Variants in CFAP61 observed in about 807,000 individuals in gnomAD.
CFAP61 encodes cilia and flagella associated protein 61.
A neutral mutation model predicts 135.6 loss-of-function variants in CFAP61; 107 were observed. The observed-to-expected ratio is 0.79, with a 90% CI of 0.67 to 0.93. CFAP61 has a LOEUF of 0.93. CFAP61 is among the 40% of genes least tolerant of loss of function. CFAP61 has a pLI of 0.00. For missense variants in CFAP61, 1,507 were observed against 1,556.2 expected, an observed-to-expected ratio of 0.97 and a Z score of 0.53; for synonymous variants, 575 against 578.5, an observed-to-expected ratio of 0.99 and a Z score of 0.09.
At position 20,185,559 on chromosome 20, in the gene CFAP61, G is replaced by A. The variant is rs149822028; in HGVS notation, c.1386-2371G>A. Reference sequence around the variant, plus strand: ...GAAGGATGGAGTTGCCATTACCTAAGACAGGAAAGACAGCTGGGTGGAGGG... The same window carrying A: ...GAAGGATGGAGTTGCCATTACCTAAAACAGGAAAGACAGCTGGGTGGAGGG... On this transcript the variant is annotated intron_variant, in intron 13 of 26. Transcript: ENST00000245957. Among the ~76,000 whole-genome samples the A allele has an allele frequency of 1.9e-3, 285 of 152,354 alleles. 2 individuals are homozygous for A. The highest frequency in any genetic ancestry group is 0.01 in the Middle Eastern group (3 of 294).
At chr20:20,228,937 G>A (rs2048932938) in intron 18 of CFAP61, among the ~76,000 whole-genome samples, 1 of 152,232 alleles carries the variant, frequency 6.6e-6, no homozygotes, top group Non-Finnish European at 1.5e-5. Flanking sequence ...AATCAGGCAG[G>A]TTTGGCAATG....
intron 21 of CFAP61, 88 bp from the exon 22 acceptor site, chr20:20,277,078 A>G: frequency 9.6e-7 from 1 of 1,045,916 alleles, no homozygotes; most frequent in Non-Finnish European, 1.4e-6. Context: ...TGAGAGGGTT[A>G]TACGGAGCAA....
intron 8 of CFAP61, among the ~76,000 whole-genome samples, chr20:20,136,253 T>C (rs1221257503): frequency 1.3e-5 from 2 of 152,190 alleles, no homozygotes; most frequent in African/African-American, 4.8e-5. Flanking sequence ...TTATACTTCT[T>C]AGACTTGAAT....
chr20:20,086,259 G>A (rs2146603830), intron 6 of CFAP61, among the ~76,000 whole-genome samples: 1 of 150,118 alleles, frequency 6.7e-6, no homozygotes, highest in South Asian at 2.1e-4. Flanking sequence ...CTGGTGTGCT[G>A]CACCCATTAA....
chr20:20,344,463 G>A (rs1225558771), intron 26 of CFAP61, among the ~76,000 whole-genome samples: 2 of 152,154 alleles, frequency 1.3e-5, no homozygotes, highest in Admixed American at 6.5e-5. Flanking sequence ...CTCAAATATT[G>A]AAATGAGGTA....
At chr20:20,118,330 C>T (rs1464084105) in intron 8 of CFAP61, among the ~76,000 whole-genome samples, 1 of 139,354 alleles carries the variant, frequency 7.2e-6, no homozygotes. Flanking sequence ...GTCTCTCTCT[C>T]TGTCTTTCTT....
At chr20:20,228,994 G>A (rs2048937112) in intron 18 of CFAP61, among the ~76,000 whole-genome samples, 1 of 152,208 alleles carries the variant, frequency 6.6e-6, no homozygotes, top group African/African-American at 2.4e-5. Flanking sequence ...AATGGCATGT[G>A]GGCCAGGACC....
rs763852526 is a variant in CFAP61 at position 20,277,380 on chromosome 20, G to C, written c.2718G>C (p.Trp906Cys). 1 of 1,614,162 alleles carries C rather than the reference G, an allele frequency of 6.2e-7. No individual in the cohort carries two copies. Among genetic ancestry groups the C allele is most frequent in the East Asian group, 2.2e-5 (1 of 44,878 alleles). ...ACCGGGATGCGATCCTGGCCCAGTG[G>C]AATGACGGCCTGCACCCAGACCCCA... is the stretch of plus-strand genomic sequence containing the variant. ...TMYRDAILAQWNDGLHPDPIY... is the reference protein window; with the variant it reads ...TMYRDAILAQCNDGLHPDPIY... Residue 906 changes from tryptophan (W) to cysteine (C), a missense_variant, in exon 22 of 27, where the codon TGG becomes TGC. Coordinates refer to ENST00000245957, the MANE Select transcript of CFAP61 (RefSeq NM_015585.4).
At chr20:20,309,129 A>T (rs1430381885) in intron 25 of CFAP61, among the ~76,000 whole-genome samples, 2 of 152,228 alleles carry the variant, frequency 1.3e-5, no homozygotes, top group Non-Finnish European at 2.9e-5. Context: ...CCTGGGCAGT[A>T]GGGATTCACA....
At chr20:20,293,330 A>G (rs1393600828) in intron 24 of CFAP61, among the ~76,000 whole-genome samples, 1 of 152,232 alleles carries the variant, frequency 6.6e-6, no homozygotes, top group Non-Finnish European at 1.5e-5. Flanking sequence ...GTGCTATGAC[A>G]GTATGTGAAC....
chr20:20,179,545 T>C (rs1313059319), intron 13 of CFAP61, among the ~76,000 whole-genome samples: 3 of 152,198 alleles, frequency 2.0e-5, no homozygotes, highest in African/African-American at 4.8e-5. Context: ...GATATTCATA[T>C]GGACCCGAGA....
At chr20:20,094,027 G>T (rs1461264986) in intron 7 of CFAP61, among the ~76,000 whole-genome samples, 1 of 152,108 alleles carries the variant, frequency 6.6e-6, no homozygotes, top group Non-Finnish European at 1.5e-5. Flanking sequence ...GTGCAGTCCA[G>T]GTGGTGAAAC....
Position 20,341,868 on chromosome 20 carries a change from G to T in CFAP61, c.3460G>T (p.Asp1154Tyr). ...GCCGTGGTGCCTGGCCCTGTTCCAC[G>T]ATCGTTTTATTGATCTCAGGAAAGA... is the stretch of plus-strand genomic sequence containing the variant. ...TEPWCLALFH[D>Y]RFIDLRKELR... The change falls in exon 26 of 27, where the codon GAT becomes TAT. Residue 1154 changes from aspartate to tyrosine, a missense_variant. Asp to Tyr is a radical substitution (Grantham distance 160). Coordinates refer to ENST00000245957, the MANE Select transcript of CFAP61 (RefSeq NM_015585.4). The T allele has an allele frequency of 6.2e-7, 1 of 1,613,666 alleles. No homozygotes were observed. Among genetic ancestry groups the T allele is most frequent in the Non-Finnish European group, 8.5e-7 (1 of 1,179,976 alleles).
intron 17 of CFAP61, among the ~76,000 whole-genome samples, chr20:20,211,448 T>G (rs1426578940): frequency 6.6e-6 from 1 of 152,230 alleles, no homozygotes; most frequent in Non-Finnish European, 1.5e-5. Flanking sequence ...ACTGATGTCA[T>G]GATCTCCATA....
At chr20:20,052,787 A>T (rs1294094653) in intron 1 of CFAP61, 196 bp downstream of exon 1, 3 of 1,461,170 alleles carry the variant, frequency 2.1e-6, no homozygotes, top group Non-Finnish European at 2.8e-6. Context: ...AGGGAGAGCG[A>T]GGAAACTACC....
At chr20:20,263,580 G>A (rs940671082) in intron 21 of CFAP61, among the ~76,000 whole-genome samples, 1 of 152,020 alleles carries the variant, frequency 6.6e-6, no homozygotes, top group African/African-American at 2.4e-5. Flanking sequence ...TGCCTGAACA[G>A]TTCTTCCCAC....
At chr20:20,174,941 G>A (rs573572729) in intron 13 of CFAP61, among the ~76,000 whole-genome samples, 21 of 152,250 alleles carry the variant, frequency 1.4e-4, no homozygotes, top group African/African-American at 4.3e-4. Context: ...TTCTGTCCCC[G>A]CGTCCCCATG....
At chr20:20,207,882 T>C (rs189438393) in intron 17 of CFAP61, among the ~76,000 whole-genome samples, 1 of 152,342 alleles carries the variant, frequency 6.6e-6, no homozygotes, top group East Asian at 1.9e-4. Flanking sequence ...ACTGCATATA[T>C]GCTATTAGAT....
intron 18 of CFAP61, among the ~76,000 whole-genome samples, chr20:20,235,055 A>G (rs975234404): frequency 2.0e-5 from 3 of 152,004 alleles, no homozygotes; most frequent in African/African-American, 4.8e-5. Flanking sequence ...GTGGCTGGGG[A>G]GCTGGAGTCT....
Sources: gnomAD v4.1 joint callset for allele counts (sites outside exome capture counted in the v4.1 genomes callset) on GRCh38, gnomAD v4.1.1 for gene constraint, MANE v1.5 for transcripts, NCBI Gene and HGNC (gene_info 2026-07-23, HGNC 2026-07-21) for gene names.